Variants in NKAIN3 observed in about 807,000 individuals in gnomAD.
NKAIN3 encodes sodium/potassium transporting ATPase interacting 3.
A neutral mutation model predicts 30.2 loss-of-function variants in NKAIN3; 25 were observed. The observed-to-expected ratio is 0.83, with a 90% CI of 0.60 to 1.16. The LOEUF is 1.16. NKAIN3 is among the 50% of genes most tolerant of loss of function. NKAIN3 has a pLI of 0.00. For synonymous variants in NKAIN3, 91 were observed against 89.6 expected (o/e 1.02, Z -0.09); for missense variants, 225 against 254.1 (o/e 0.89, Z 0.78).
intron 1 of NKAIN3, among the ~76,000 whole-genome samples, chr8:62,275,268 A>G (rs1812909019): frequency 6.6e-6 from 1 of 152,074 alleles, no homozygotes; most frequent in South Asian, 2.1e-4. Flanking sequence ...TTGTTTCCTG[A>G]CTTTTTAATG....
intron 1 of NKAIN3, among the ~76,000 whole-genome samples, chr8:62,298,548 T>A (rs1263986373): frequency 6.6e-6 from 1 of 152,068 alleles, no homozygotes; most frequent in Non-Finnish European, 1.5e-5. Flanking sequence ...CTTTGTCCAC[T>A]GCACTGCACT....
intron 4 of NKAIN3, among the ~76,000 whole-genome samples, chr8:62,749,228 G>A (rs1816188034): frequency 6.6e-6 from 1 of 152,146 alleles, no homozygotes. Context: ...GAATCCAAAA[G>A]TCATTTCCCC....
intron 1 of NKAIN3, among the ~76,000 whole-genome samples, chr8:62,358,331 G>A (rs1225870511): frequency 6.8e-6 from 1 of 146,832 alleles, no homozygotes; most frequent in Non-Finnish European, 1.5e-5. Context: ...AATTAGACAT[G>A]ATTAGGAATG....
At chr8:62,420,254 A>G (rs1408966743) in intron 1 of NKAIN3, among the ~76,000 whole-genome samples, 1 of 152,170 alleles carries the variant, frequency 6.6e-6, no homozygotes, top group African/African-American at 2.4e-5. Flanking sequence ...TTCTGGACCT[A>G]CTCAGGCCCA....
chr8:62,666,945 C>G (rs1254223889), intron 3 of NKAIN3, among the ~76,000 whole-genome samples: 1 of 152,092 alleles, frequency 6.6e-6, no homozygotes, highest in African/African-American at 2.4e-5. Context: ...CCCTCTATCT[C>G]CCCAAAAGAG....
At chr8:62,527,082 A>G (rs567641152) in intron 1 of NKAIN3, among the ~76,000 whole-genome samples, 21 of 152,314 alleles carry the variant, frequency 1.4e-4, no homozygotes, top group African/African-American at 5.1e-4. Flanking sequence ...TCTAGACTGG[A>G]ATCCCATCAT....
At chr8:62,902,841 T>A (rs1236876628) in intron 4 of NKAIN3, among the ~76,000 whole-genome samples, 1 of 152,248 alleles carries the variant, frequency 6.6e-6, no homozygotes, top group East Asian at 1.9e-4. Flanking sequence ...AATGATCTAC[T>A]TAAATAGGCC....
At chr8:62,738,680 T>C (rs2130562891) in intron 3 of NKAIN3, among the ~76,000 whole-genome samples, 1 of 152,210 alleles carries the variant, frequency 6.6e-6, no homozygotes, top group Non-Finnish European at 1.5e-5. Context: ...ATGGGGTTGT[T>C]TTTTCTTGTA....
chr8:62,496,465 A>G (rs1563425371), intron 1 of NKAIN3, among the ~76,000 whole-genome samples: 1 of 152,150 alleles, frequency 6.6e-6, no homozygotes, highest in Non-Finnish European at 1.5e-5. Context: ...GAGAGCACCT[A>G]TGAAAGGAAC....
intron 1 of NKAIN3, among the ~76,000 whole-genome samples, chr8:62,280,864 G>A (rs1272278772): frequency 6.6e-6 from 1 of 151,988 alleles, no homozygotes. Flanking sequence ...GCCAGGCTTT[G>A]GTATCAGGAT....
chr8:62,845,607 C>A (rs1313818266), intron 4 of NKAIN3, among the ~76,000 whole-genome samples: 1 of 151,890 alleles, frequency 6.6e-6, no homozygotes, highest in South Asian at 2.1e-4. Context: ...TCACAGTTAT[C>A]CCAGAAGATG....
intron 3 of NKAIN3, among the ~76,000 whole-genome samples, chr8:62,612,299 T>G (rs1051393163): frequency 6.6e-6 from 1 of 151,994 alleles, no homozygotes; most frequent in Non-Finnish European, 1.5e-5. Flanking sequence ...TGCTCTCACA[T>G]TGGGTGCGTA....
chr8:62,662,003 C>T (rs1479367888), intron 3 of NKAIN3, among the ~76,000 whole-genome samples: 1 of 152,186 alleles, frequency 6.6e-6, no homozygotes, highest in Non-Finnish European at 1.5e-5. Context: ...TTTCACCCAC[C>T]AAGGTCACTA....
intron 1 of NKAIN3, among the ~76,000 whole-genome samples, chr8:62,496,741 T>TC (rs1436031616): frequency 6.6e-6 from 1 of 152,094 alleles, no homozygotes; most frequent in African/African-American, 2.4e-5. Context: ...TTCAAAAAAA[T>TC]GGAGCTAAAA....
intron 1 of NKAIN3, among the ~76,000 whole-genome samples, chr8:62,345,983 T>A (rs1375439755): frequency 6.6e-6 from 1 of 151,968 alleles, no homozygotes; most frequent in Non-Finnish European, 1.5e-5. Flanking sequence ...AAGACAAACA[T>A]CATATAACCT....
intron 1 of NKAIN3, among the ~76,000 whole-genome samples, chr8:62,477,250 C>A (rs976168126): frequency 6.6e-6 from 1 of 152,112 alleles, no homozygotes; most frequent in African/African-American, 2.4e-5. Flanking sequence ...ATTCACACAC[C>A]CGCAAATGTA....
chr8:62,708,034 T>C (rs1814588658), intron 3 of NKAIN3, among the ~76,000 whole-genome samples: 1 of 152,168 alleles, frequency 6.6e-6, no homozygotes, highest in Non-Finnish European at 1.5e-5. Context: ...CAGTTGGCTG[T>C]ACATATTTGG....
intron 1 of NKAIN3, among the ~76,000 whole-genome samples, chr8:62,339,108 A>G (rs569939786): frequency 6.6e-6 from 1 of 152,148 alleles, no homozygotes; most frequent in South Asian, 2.1e-4. Flanking sequence ...ACTAGGAAGA[A>G]TGTTCCAGAT....
intron 3 of NKAIN3, among the ~76,000 whole-genome samples, chr8:62,723,796 GAC>G (rs1453851692): frequency 4.6e-5 from 7 of 152,078 alleles, no homozygotes; most frequent in Non-Finnish European, 7.4e-5. Flanking sequence ...CTATGGATCT[GAC>G]ACACTTTAAA....
Sources: allele counts gnomAD v4.1 joint callset (sites outside exome capture counted in the v4.1 genomes callset), GRCh38; gene constraint gnomAD v4.1.1; transcripts MANE v1.5; gene names NCBI Gene and HGNC (gene_info 2026-07-23, HGNC 2026-07-21).